Variants in ANKS1A observed in about 807,000 individuals in gnomAD.
ANKS1A encodes ankyrin repeat and sterile alpha motif domain containing 1A.
ANKS1A carries 55 observed loss-of-function variants against 120.3 expected under a neutral mutation model. The observed-to-expected ratio is 0.46, with a 90% CI of 0.37 to 0.57. The LOEUF (loss-of-function observed/expected upper bound fraction) is 0.57. Ranked by LOEUF, ANKS1A falls within the 20% of genes least tolerant of loss-of-function variation. The pLI is 0.00. For missense variants in ANKS1A, 1,123 were observed against 1,480.3 expected (o/e 0.76, Z 3.96); for synonymous variants, 590 against 604.7 (o/e 0.98, Z 0.36).
In ANKS1A at chr6:35,085,672, T is replaced by G; in HGVS notation, c.3133-94T>G. On this transcript the variant is annotated intron_variant, in intron 21 of 23. Transcript: ENST00000360359. The surrounding 1 kb of genome is among the most constrained non-coding windows in gnomAD (Gnocchi z 4.7). The stretch of plus-strand genomic sequence containing the variant: ...AGGTAGGAGCGCTCCCGGGTAGACT[T>G]AGAGGGGGACACATGGTCCCTGCGA... 7.4e-7 allele frequency: 1 copy of G among 1,349,806 alleles called. No homozygotes were observed. Among genetic ancestry groups the G allele is most frequent in the Non-Finnish European group, 1.0e-6 (1 of 1,004,600 alleles). 83.6% of individuals were successfully genotyped at this position (1,349,806 alleles called of 1,614,324 possible).
intron 13 of ANKS1A, among the ~76,000 whole-genome samples, chr6:35,065,083 C>A (rs1219037054): frequency 6.6e-6 from 1 of 152,116 alleles, no homozygotes; most frequent in Non-Finnish European, 1.5e-5. Flanking sequence ...GATGCTGCAC[C>A]AGGGCCTCAC....
chr6:35,018,079 A>C lies in ANKS1A; in HGVS notation c.2010+20A>C. The C allele has an allele frequency of 1.9e-6, 3 of 1,606,966 alleles. No homozygotes were observed. Among genetic ancestry groups the C allele is most frequent in the Non-Finnish European group, 1.7e-6 (2 of 1,176,324 alleles). On this transcript the variant is annotated intron_variant, in intron 11 of 23. Coordinates refer to ENST00000360359, the MANE Select transcript of ANKS1A (RefSeq NM_015245.3). ...GATGAGGTAAGGCCGACATGACGTC[A>C]CAGGGAGCTGGGCTGGCCAGGCTGG...
chr6:34,892,557 TTG>T (rs1180424092), intron 1 of ANKS1A, among the ~76,000 whole-genome samples: 1 of 152,344 alleles, frequency 6.6e-6, no homozygotes, highest in East Asian at 1.9e-4. Flanking sequence ...ACACATGTGT[TTG>T]TGTATTCACC....
chr6:34,998,848 C>T (rs941933493), intron 10 of ANKS1A, among the ~76,000 whole-genome samples: 4 of 152,198 alleles, frequency 2.6e-5, no homozygotes, highest in African/African-American at 9.7e-5. Flanking sequence ...TCTTGGTTCC[C>T]TGACCAGGAA....
intron 3 of ANKS1A, among the ~76,000 whole-genome samples, chr6:34,976,886 ATTAG>A (rs1255745187): frequency 7.9e-5 from 12 of 152,238 alleles, no homozygotes; most frequent in Admixed American, 2.6e-4. Flanking sequence ...CCATTTTGGT[ATTAG>A]TTAGTTCTTT....
intron 11 of ANKS1A, chr6:35,038,096 CAGAAG>C (rs1775274875): frequency 2.3e-6 from 1 of 438,320 alleles, no homozygotes; most frequent in Admixed American, 2.4e-5. Context: ...TAGTAGAAGA[CAGAAG>C]AGAAACTTAA....
At position 35,060,335 on chromosome 6, in the gene ANKS1A, G is replaced by A. The variant is rs963670095; in HGVS notation, c.2184+82G>A. On this transcript the variant is annotated intron_variant, in intron 13 of 23. Coordinates refer to ENST00000360359, the MANE Select transcript of ANKS1A (RefSeq NM_015245.3). This position sits in a 1 kb window ranked among gnomAD's most constrained non-coding sequence, Gnocchi z 4.5. ...CCTGGCCTCCCCTCTGGCCCCACAG[G>A]AGTCTGCAACAGTACGTAGACCCAA... 1 of 1,273,024 alleles carries A rather than the reference G, an allele frequency of 7.9e-7. No homozygotes were observed. The highest frequency in any genetic ancestry group is 1.3e-5 in the South Asian group (1 of 77,826). The allele number at this position is 1,273,024 out of a possible 1,614,324, so 78.9% of individuals were successfully genotyped here. A position where few individuals can be genotyped will look rare whatever the true frequency, so the allele number is the denominator to read the frequency against.
chr6:35,043,354 G>A (rs1025129893), intron 11 of ANKS1A, among the ~76,000 whole-genome samples: 10 of 152,212 alleles, frequency 6.6e-5, no homozygotes, highest in African/African-American at 9.7e-5. Context: ...GTAAGGCATT[G>A]TTCAAACAGG....
chr6:35,073,184 A>G (rs1777162370), intron 13 of ANKS1A, among the ~76,000 whole-genome samples: 1 of 152,184 alleles, frequency 6.6e-6, no homozygotes, highest in Non-Finnish European at 1.5e-5. Context: ...TGAGCCCAGG[A>G]CAGGCCACAC....
chr6:35,032,620 G>A (rs999335407), intron 11 of ANKS1A, among the ~76,000 whole-genome samples: 1 of 152,178 alleles, frequency 6.6e-6, no homozygotes, highest in Non-Finnish European at 1.5e-5. Flanking sequence ...TCAAGGTGTG[G>A]ATTGCTAAAG....
At chr6:34,932,697 T>C (rs1769049201) in intron 1 of ANKS1A, among the ~76,000 whole-genome samples, 1 of 152,242 alleles carries the variant, frequency 6.6e-6, no homozygotes, top group African/African-American at 2.4e-5. Flanking sequence ...TCTTCTTTTT[T>C]ATTGCCAAAT....
intron 12 of ANKS1A, 25 bp downstream of exon 12, chr6:35,054,190 C>A: frequency 6.2e-7 from 1 of 1,610,274 alleles, no homozygotes; most frequent in Non-Finnish European, 8.5e-7. Flanking sequence ...GGCCATTTTC[C>A]CCACAGAAAC....
At position 35,050,283 on chromosome 6, in the gene ANKS1A, G is replaced by A. The variant is rs1438309691; in HGVS notation, c.2011-3816G>A. On this transcript the variant is annotated intron_variant, in intron 11 of 23. Transcript: ENST00000360359. The surrounding 1 kb of genome is among the most constrained non-coding windows in gnomAD (Gnocchi z 4.3). ...TTTTTGAAGACAAGAGTCCATTATG[G>A]TGATAACTTTCAAGTCCTTATATTA... Among the ~76,000 whole-genome samples, 2 of 152,170 alleles carry A rather than the reference G, an allele frequency of 1.3e-5. No individual in the cohort carries two copies. Among genetic ancestry groups the A allele is most frequent in the Non-Finnish European group, 2.9e-5 (2 of 68,038 alleles).
intron 1 of ANKS1A, among the ~76,000 whole-genome samples, chr6:34,903,705 C>T (rs746717193): frequency 3.4e-4 from 51 of 152,224 alleles, no homozygotes; most frequent in African/African-American, 7.2e-4. Context: ...TCAGTAGAGA[C>T]GGGGTTTCAC....
At chr6:35,088,097 G>A (rs1430349024) in intron 23 of ANKS1A, among the ~76,000 whole-genome samples, 2 of 152,236 alleles carry the variant, frequency 1.3e-5, no homozygotes, top group Non-Finnish European at 2.9e-5. Flanking sequence ...CACTCTCCAC[G>A]GTGGGGGATC....
At chr6:34,946,917 GA>G (rs970071502) in intron 1 of ANKS1A, among the ~76,000 whole-genome samples, 1 of 152,196 alleles carries the variant, frequency 6.6e-6, no homozygotes, top group African/African-American at 2.4e-5. Flanking sequence ...TGGTGAATAG[GA>G]AAGACTAGTA....
intron 11 of ANKS1A, among the ~76,000 whole-genome samples, chr6:35,033,965 C>T (rs1005661245): frequency 1.1e-4 from 17 of 152,092 alleles, no homozygotes; most frequent in African/African-American, 4.1e-4. Context: ...TTCCTTTGGT[C>T]GGTGGTTCCA....
At chr6:35,048,439 G>GT (rs1386864010) in intron 11 of ANKS1A, among the ~76,000 whole-genome samples, 3 of 152,154 alleles carry the variant, frequency 2.0e-5, no homozygotes, top group African/African-American at 7.2e-5. Context: ...CTGGCAGATA[G>GT]TTACTCATTC....
In ANKS1A at chr6:35,023,290, G is replaced by A. The variant is rs111460515; in HGVS notation, c.2010+5231G>A. On this transcript the variant is annotated intron_variant, in intron 11 of 23. Transcript: ENST00000360359. ...TTCCTTCAGGTGCACAATTTGTGCC[G>A]TCTTTTCCTGCAGGGACCCTGAGTG... Among the ~76,000 whole-genome samples the A allele has an allele frequency of 8.5e-3, 1,295 of 152,264 alleles. 10 individuals are homozygous for A. The highest frequency in any genetic ancestry group is 0.027 in the Middle Eastern group (8 of 294).
Sources: allele counts gnomAD v4.1 joint callset (sites outside exome capture counted in the v4.1 genomes callset), GRCh38; gene constraint gnomAD v4.1.1; non-coding constraint Gnocchi (gnomAD v3.1); transcripts MANE v1.5; gene names NCBI Gene and HGNC (gene_info 2026-07-23, HGNC 2026-07-21).